Variants in TG observed in about 807,000 individuals in gnomAD.
TG encodes thyroid hormones.
In TG, 270 loss-of-function variants were observed where a neutral mutation model predicts 324.7. That is an observed-to-expected ratio of 0.83 (90% CI 0.75 to 0.92). TG has a LOEUF of 0.92. TG is among the 40% of genes least tolerant of loss of function. TG has a pLI of 0.00. For missense variants in TG, 3,591 were observed against 3,456.4 expected (o/e 1.04, Z -0.98); for synonymous variants, 1,401 against 1,327.0 (o/e 1.06, Z -1.21).
At chr8:133,130,549 C>T (rs796085987) in intron 45 of TG, among the ~76,000 whole-genome samples, 3 of 152,106 alleles carry the variant, frequency 2.0e-5, no homozygotes, top group African/African-American at 7.2e-5. Context: ...TGGGAATGGC[C>T]CTCAGTTTGT....
At chr8:132,907,322 G>A (rs1268938285) in intron 17 of TG, among the ~76,000 whole-genome samples, 2 of 152,134 alleles carry the variant, frequency 1.3e-5, no homozygotes, top group Non-Finnish European at 2.9e-5. Context: ...AAGACCACCT[G>A]GACTTCCAGG....
At chr8:132,885,637 AGACAACATTTCATTAAATACGCATAG>A (rs1815301679) in intron 8 of TG, among the ~76,000 whole-genome samples, 1 of 152,168 alleles carries the variant, frequency 6.6e-6, no homozygotes, top group South Asian at 2.1e-4. Flanking sequence ...GAATGCTGGA[AGACAACATTTCATTAAATACGCATAG>A]GAATGTGTTG....
At chr8:132,985,511 C>T (rs374776863) in intron 35 of TG, among the ~76,000 whole-genome samples, 3 of 152,142 alleles carry the variant, frequency 2.0e-5, no homozygotes, top group South Asian at 4.1e-4. Context: ...AATTTTCCTC[C>T]TTTATCAACA....
chr8:132,932,079 G>A (rs1252160031), intron 23 of TG, among the ~76,000 whole-genome samples: 1 of 151,860 alleles, frequency 6.6e-6, no homozygotes, highest in Non-Finnish European at 1.5e-5. Context: ...GGGCAACAGA[G>A]CCAGACCCTG....
chr8:133,094,267 G>C (rs1278513130), intron 41 of TG, among the ~76,000 whole-genome samples: 1 of 137,420 alleles, frequency 7.3e-6, no homozygotes, highest in Non-Finnish European at 1.6e-5. Context: ...TTTTGATGGA[G>C]TCTTGCTCTG....
At chr8:133,061,119 T>C (rs1842313017) in intron 41 of TG, among the ~76,000 whole-genome samples, 2 of 152,206 alleles carry the variant, frequency 1.3e-5, no homozygotes, top group South Asian at 4.1e-4. Flanking sequence ...CAAGCGATTC[T>C]CCTGCCTCAG....
intron 30 of TG, among the ~76,000 whole-genome samples, chr8:132,967,110 GATCCATCCATCC>G (rs58544413): frequency 3.2e-4 from 41 of 129,312 alleles, no homozygotes; most frequent in East Asian, 1.3e-3. Context: ...CCATCCATTC[GATCCATCCATCC>G]ATCCATCCAT....
At position 132,971,766 on chromosome 8, in the gene TG, A is replaced by T. The variant is rs368534596; in HGVS notation, c.5976-28A>T. On this transcript the variant is annotated intron_variant, in intron 32 of 47. Coordinates refer to ENST00000220616, the MANE Select transcript of TG (RefSeq NM_003235.5). ...TCCTGGGTCACCAGTGAAAACCTTCAGGCCTGCTCTTTCTCTTCCTATGCC... is the reference window on the plus strand; with the variant it reads ...TCCTGGGTCACCAGTGAAAACCTTCTGGCCTGCTCTTTCTCTTCCTATGCC... 9 of 1,565,022 alleles carry T rather than the reference A, an allele frequency of 5.8e-6. No homozygotes were observed. In the South Asian group the frequency reaches 8.9e-5, roughly 15 times the overall value.
intron 25 of TG, among the ~76,000 whole-genome samples, chr8:132,937,201 G>C (rs1300248798): frequency 6.6e-6 from 1 of 152,208 alleles, no homozygotes; most frequent in Non-Finnish European, 1.5e-5. Flanking sequence ...GGGGTTGGGA[G>C]AAGGGGAGTA....
chr8:133,108,648 G>A (rs946151084), intron 43 of TG, among the ~76,000 whole-genome samples: 1 of 152,180 alleles, frequency 6.6e-6, no homozygotes, highest in Admixed American at 6.5e-5. Flanking sequence ...TTCCAACTCT[G>A]GGATTTGAAA....
At chr8:133,097,231 G>A (rs1848562639) in intron 43 of TG, among the ~76,000 whole-genome samples, 1 of 152,220 alleles carries the variant, frequency 6.6e-6, no homozygotes, top group African/African-American at 2.4e-5. Context: ...CAACCAAACA[G>A]GATCCTGAGT....
intron 41 of TG, among the ~76,000 whole-genome samples, chr8:133,051,847 C>G (rs1840471093): frequency 1.3e-5 from 2 of 152,224 alleles, no homozygotes; most frequent in Admixed American, 6.5e-5. Flanking sequence ...TTTCATCACT[C>G]CACCTGCTGG....
At chr8:133,110,248 C>T (rs190344319) in intron 43 of TG, among the ~76,000 whole-genome samples, 81 of 152,260 alleles carry the variant, frequency 5.3e-4, no homozygotes, top group African/African-American at 1.8e-3. Context: ...GTGGGGGCAT[C>T]ATGGATTCCT....
intron 41 of TG, among the ~76,000 whole-genome samples, chr8:133,083,680 AT>A (rs151284635): frequency 0.024 from 3,687 of 152,006 alleles, 154 homozygotes; most frequent in African/African-American, 0.084. Context: ...TGATCTCTCT[AT>A]TTTTTTTCTG....
intron 16 of TG, among the ~76,000 whole-genome samples, chr8:132,905,846 A>G (rs1818595551): frequency 6.6e-6 from 1 of 152,184 alleles, no homozygotes; most frequent in Non-Finnish European, 1.5e-5. Flanking sequence ...AGAAAACAGA[A>G]CGTGTTGAGT....
chr8:133,096,126 C>T, intron 42 of TG, 80 bp from the exon 43 acceptor site: 1 of 1,535,184 alleles, frequency 6.5e-7, no homozygotes, highest in Non-Finnish European at 9.0e-7. Flanking sequence ...TATTGGCATT[C>T]AGTATGGTTA....
At chr8:132,902,773 G>A (rs1454824540) in intron 16 of TG, among the ~76,000 whole-genome samples, 6 of 152,186 alleles carry the variant, frequency 3.9e-5, no homozygotes, top group African/African-American at 7.2e-5. Flanking sequence ...ACAGACCGGT[G>A]TGGCCTCCTC....
intron 35 of TG, among the ~76,000 whole-genome samples, chr8:132,998,204 G>C (rs1169213526): frequency 6.6e-6 from 1 of 152,102 alleles, no homozygotes; most frequent in Non-Finnish European, 1.5e-5. Flanking sequence ...GAGGGGATGA[G>C]GGGGAAGGAA....
In TG at chr8:132,929,191, A is replaced by G; in HGVS notation, c.4815A>G (p.Thr1605=). 6.2e-7 allele frequency: 1 copy of G among 1,612,646 alleles called. No homozygotes were observed. The highest frequency in any genetic ancestry group is 1.1e-5 in the South Asian group (1 of 91,060). ...AGTTCCCCGTGATGCAGTGCTTGAC[A>G]GGTGAGGAGTGGTGGGGAGATATGC... The part of the protein sequence containing the change: ...DSEFPVMQCL[T]DCTEDEACSF... The change falls in exon 23 of 48, where the codon ACA becomes ACG. Residue 1605 remains threonine, a splice_region_variant and synonymous_variant. Transcript: ENST00000220616.
Sources: allele counts gnomAD v4.1 joint callset (sites outside exome capture counted in the v4.1 genomes callset), GRCh38; gene constraint gnomAD v4.1.1; transcripts MANE v1.5; gene names NCBI Gene and HGNC (gene_info 2026-07-23, HGNC 2026-07-21).